The following HRH1 variants were observed in gnomAD, a reference collection of about 807,000 sequenced individuals.
The protein encoded by HRH1 is histamine receptor H1, also known as histamine H1 receptor.
HRH1 carries 6 observed loss-of-function variants against 10.3 expected under a neutral mutation model. That is an observed-to-expected ratio of 0.58 (90% CI 0.32 to 1.15). The LOEUF is 1.15. Among genes scored for constraint, HRH1 ranks in the 50% most tolerant of loss-of-function variants. The probability of loss-of-function intolerance (pLI) is 0.05; values close to 1 mark genes in which losing one functional copy is unlikely to be tolerated. For missense variants in HRH1, 514 were observed against 615.3 expected, an observed-to-expected ratio of 0.84 and a Z score of 1.74; for synonymous variants, 242 against 236.7, an observed-to-expected ratio of 1.02 and a Z score of -0.21.
At position 11,260,940 on chromosome 3, in the gene HRH1, G is replaced by A; in HGVS notation, c.*439G>A. 5.5e-6 allele frequency: 1 copy of A among 180,624 alleles called. No homozygotes were observed. The allele number at this position is 180,624 out of a possible 1,614,324, so 11.2% of individuals were successfully genotyped here. A position where few individuals can be genotyped will look rare whatever the true frequency, so the allele number is the denominator to read the frequency against. On this transcript the variant is annotated 3_prime_UTR_variant, in exon 2 of 2. Coordinates refer to ENST00000431010, the MANE Select transcript of HRH1 (RefSeq NM_001098212.2). ...CTGGAGAATTGAAAAGGACTCTTGA[G>A]CCCTCCTGGAATGGAGCTGTATAAC... is the stretch of plus-strand genomic sequence containing the variant.
chr3:11,145,762 G>C (rs1362888121), intron 1 of HRH1, among the ~76,000 whole-genome samples: 1 of 10,754 alleles, frequency 9.3e-5, no homozygotes, highest in Admixed American at 1.4e-3. Context: ...CTCCTCCAGA[G>C]GTACCACTTC....
chr3:11,179,785 T>TC (rs1553570464), intron 1 of HRH1, among the ~76,000 whole-genome samples: 3 of 149,958 alleles, frequency 2.0e-5, no homozygotes, highest in Non-Finnish European at 3.0e-5. Context: ...TTTTTTTTTT[T>TC]ATAGAGACAA....
At chr3:11,163,575 G>A (rs144948747) in intron 1 of HRH1, among the ~76,000 whole-genome samples, 15 of 152,230 alleles carry the variant, frequency 9.9e-5, no homozygotes, top group African/African-American at 3.6e-4. Flanking sequence ...TCTGTGAAAT[G>A]GGAATGATAA....
intron 1 of HRH1, among the ~76,000 whole-genome samples, chr3:11,189,553 T>G (rs543020894): frequency 6.6e-6 from 1 of 152,304 alleles, no homozygotes; most frequent in African/African-American, 2.4e-5. Context: ...GGTAATGGTT[T>G]GTTGTTTTGC....
intron 1 of HRH1, among the ~76,000 whole-genome samples, chr3:11,204,980 C>T (rs1423717587): frequency 6.6e-6 from 1 of 152,204 alleles, no homozygotes. Context: ...TCTGTGGCAT[C>T]CTTGCTTGAA....
chr3:11,218,447 CAAA>C (rs1026039560), intron 1 of HRH1, among the ~76,000 whole-genome samples: 2 of 53,964 alleles, frequency 3.7e-5, no homozygotes, highest in African/African-American at 7.0e-5. Context: ...GACTCCATCT[CAAA>C]AAAAAAAAAA....
chr3:11,169,934 C>T (rs984517655), intron 1 of HRH1, among the ~76,000 whole-genome samples: 14 of 152,200 alleles, frequency 9.2e-5, no homozygotes, highest in African/African-American at 3.4e-4. Context: ...TGCCCCAGCC[C>T]TCTGGGACAC....
At chr3:11,138,054 T>C (rs9843769) in intron 1 of HRH1, among the ~76,000 whole-genome samples, 45,095 of 151,894 alleles carry the variant, frequency 0.3, 7,223 homozygotes, top group Admixed American at 0.46. Context: ...CTCCCTCTGT[T>C]GTCCAGGCTG....
In HRH1 at chr3:11,259,707, C is replaced by A; in HGVS notation, c.670C>A (p.Arg224=). The change falls in exon 2 of 2, where the codon CGG becomes AGG. Residue 224 remains arginine, a synonymous_variant. Transcript: ENST00000431010. This position sits in a 1 kb window ranked among gnomAD's most constrained non-coding sequence, Gnocchi z 4.6. ...GGCCGTACGACAACACTGCCAGCAC[C>A]GGGAGCTCATCAATAGGTCCCTCCC... ...YKAVRQHCQH[R]ELINRSLPSF... The A allele has an allele frequency of 6.2e-7, 1 of 1,614,060 alleles. No homozygotes were observed. Among genetic ancestry groups the A allele is most frequent in the African/African-American group, 1.3e-5 (1 of 75,020 alleles).
intron 1 of HRH1, among the ~76,000 whole-genome samples, chr3:11,213,070 C>T (rs1938379637): frequency 6.6e-6 from 1 of 152,218 alleles, no homozygotes; most frequent in Admixed American, 6.5e-5. Flanking sequence ...AGCAGACCCA[C>T]TTCAGCCATC....
chr3:11,258,131 A>G (rs1381884716), intron 1 of HRH1, among the ~76,000 whole-genome samples: 7 of 151,630 alleles, frequency 4.6e-5, no homozygotes, highest in Non-Finnish European at 8.8e-5. Flanking sequence ...AAGATATGCT[A>G]GATTTATTTC....
At chr3:11,153,685 A>G (rs1037291260), upstream of HRH1, among the ~76,000 whole-genome samples, 1 of 152,108 alleles carries the variant, frequency 6.6e-6, no homozygotes, top group South Asian at 2.1e-4. Context: ...CTGGAAATGA[A>G]GGCAGCCAGG....
intron 1 of HRH1, among the ~76,000 whole-genome samples, chr3:11,174,663 G>A (rs1937216067): frequency 6.6e-6 from 1 of 152,232 alleles, no homozygotes; most frequent in South Asian, 2.1e-4. Flanking sequence ...AACTGGTGGC[G>A]TGTTTAGAGT....
At chr3:11,222,839 G>A (rs1938751606) in intron 1 of HRH1, among the ~76,000 whole-genome samples, 1 of 152,114 alleles carries the variant, frequency 6.6e-6, no homozygotes, top group Admixed American at 6.6e-5. Flanking sequence ...TTAAATAATA[G>A]TTGTCCAAAT....
At position 11,144,436 on chromosome 3, in the gene HRH1, C is replaced by CGT. The variant is rs1455571099; in HGVS notation, c.-36+7037_-36+7038insGT. Among the ~76,000 whole-genome samples, 1,185 of 150,334 alleles carry CGT rather than the reference C, an allele frequency of 7.9e-3. 223 individuals are homozygous for CGT. The highest frequency in any genetic ancestry group is 0.011 in the Non-Finnish European group (710 of 67,038). ...ATCTATAGGTATATATACATATAGACATATAGACATACGTCTATAGGTATA... is the reference window on the plus strand; with the variant it reads ...ATCTATAGGTATATATACATATAGACGTATATAGACATACGTCTATAGGTATA... On this transcript the variant is annotated intron_variant, in intron 1 of 1. Transcript: ENST00000438284.
At chr3:11,206,184 G>A (rs561241662) in intron 1 of HRH1, among the ~76,000 whole-genome samples, 9 of 152,196 alleles carry the variant, frequency 5.9e-5, no homozygotes, top group South Asian at 2.1e-4. Flanking sequence ...GTGCAATCTC[G>A]GCCCACTGCA....
chr3:11,151,564 C>A (rs1006254928), upstream of HRH1, among the ~76,000 whole-genome samples: 5 of 152,136 alleles, frequency 3.3e-5, no homozygotes, highest in Non-Finnish European at 4.4e-5. Flanking sequence ...AGTGTTCAAT[C>A]ATAGCTCACT....
At position 11,259,598 on chromosome 3, in the gene HRH1, C is replaced by T. The variant is rs1193896202; in HGVS notation, c.561C>T (p.Val187=). ...EDKCETDFYD[V]TWFKVMTAII... ...AGTGTGAGACAGACTTCTATGATGT[C>T]ACCTGGTTCAAGGTCATGACTGCCA... is the stretch of plus-strand genomic sequence containing the variant. Residue 187 remains valine (V), a synonymous_variant, in exon 2 of 2, where the codon GTC becomes GTT. Transcript: ENST00000431010. This position sits in a 1 kb window ranked among gnomAD's most constrained non-coding sequence, Gnocchi z 4.6. 1 of 1,614,134 alleles carries T rather than the reference C, an allele frequency of 6.2e-7. No homozygotes were observed. The highest frequency in any genetic ancestry group is 1.7e-5 in the Admixed American group (1 of 60,020).
chr3:11,174,922 A>G (rs1937221825), intron 1 of HRH1, among the ~76,000 whole-genome samples: 1 of 152,184 alleles, frequency 6.6e-6, no homozygotes, highest in African/African-American at 2.4e-5. Flanking sequence ...CCCGGGCAAC[A>G]TTCAGTAAAG....
Sources: allele counts gnomAD v4.1 joint callset (sites outside exome capture counted in the v4.1 genomes callset), GRCh38; gene constraint gnomAD v4.1.1; non-coding constraint Gnocchi (gnomAD v3.1); transcripts MANE v1.5; gene names NCBI Gene and HGNC (gene_info 2026-07-23, HGNC 2026-07-21).